Variants in HACE1 observed in about 807,000 individuals in gnomAD.
HACE1 encodes E3 ubiquitin-protein ligase HACE1.
A neutral mutation model predicts 118.4 loss-of-function variants in HACE1; 73 were observed. The ratio of observed to expected loss-of-function variants is 0.62; its 90% CI spans 0.51 to 0.75. The LOEUF (loss-of-function observed/expected upper bound fraction) is 0.75, where lower values mean the gene tolerates loss of function less well. HACE1 is among the 30% of genes least tolerant of loss of function. HACE1 has a pLI of 0.00. For synonymous variants in HACE1, 368 were observed against 374.8 expected (o/e 0.98, Z 0.21); for missense variants, 749 against 1,102.2 (o/e 0.68, Z 4.54).
chr6:104,805,581 A>G (rs1770901266), intron 7 of HACE1, among the ~76,000 whole-genome samples: 1 of 152,168 alleles, frequency 6.6e-6, no homozygotes. Context: ...GGAAACCATC[A>G]TTCTCAGCAA....
rs750238687 is a variant in HACE1, at chr6:104,784,224, A to C, written c.1479-51T>G. ...TGGACAGGAAGAATGAGTAGCATTA[A>C]GTGAAATGCAAATTCAGATACACTG... On this transcript the variant is annotated intron_variant, in intron 13 of 23. Transcript: ENST00000262903. 2.9e-6 allele frequency: 3 copies of C among 1,038,446 alleles called. No individual in the cohort carries two copies. The South Asian group carries it at 3.8e-5, about 13-fold the overall frequency. 64.3% of individuals were successfully genotyped at this position (1,038,446 alleles called of 1,614,324 possible).
chr6:104,753,977 T>G (rs1778346410), intron 19 of HACE1, among the ~76,000 whole-genome samples: 1 of 152,134 alleles, frequency 6.6e-6, no homozygotes, highest in Non-Finnish European at 1.5e-5. Context: ...AGGAGCATGT[T>G]TTAACCCAAT....
chr6:104,827,751 G>A (rs781131682), intron 6 of HACE1, among the ~76,000 whole-genome samples: 3 of 152,070 alleles, frequency 2.0e-5, no homozygotes, highest in Non-Finnish European at 4.4e-5. Flanking sequence ...TTGGAAGCTG[G>A]CTAAAGATAC....
At chr6:104,772,593 G>A (rs1313348895) in intron 17 of HACE1, among the ~76,000 whole-genome samples, 1 of 152,150 alleles carries the variant, frequency 6.6e-6, no homozygotes, top group Non-Finnish European at 1.5e-5. Context: ...TTAAGTGACA[G>A]GCCTAGTCAA....
chr6:104,749,013 G>C (rs1306366014), intron 20 of HACE1, among the ~76,000 whole-genome samples: 2 of 152,050 alleles, frequency 1.3e-5, no homozygotes, highest in Non-Finnish European at 1.5e-5. Context: ...TTTATGATGT[G>C]TGTCCTTTTC....
intron 23 of HACE1, 132 bp from the exon 24 acceptor site, chr6:104,729,896 C>A (rs1483536600): frequency 1.5e-6 from 1 of 664,986 alleles, no homozygotes. Flanking sequence ...ATTGAAAAAC[C>A]CTAAAGTGGT....
chr6:104,852,175 C>A, intron 2 of HACE1, 142 bp downstream of exon 2: 1 of 647,666 alleles, frequency 1.5e-6, no homozygotes, highest in Non-Finnish European at 2.8e-6. Context: ...ATAACTTGCC[C>A]CAGAACATCT....
intron 5 of HACE1, among the ~76,000 whole-genome samples, chr6:104,838,485 C>T (rs557688030): frequency 6.6e-5 from 10 of 152,000 alleles, no homozygotes; most frequent in South Asian, 4.2e-4. Context: ...ATAAATGGTG[C>T]GGGAAAACTG....
intron 6 of HACE1, among the ~76,000 whole-genome samples, chr6:104,824,581 T>C (rs1336375212): frequency 6.6e-6 from 1 of 152,222 alleles, no homozygotes; most frequent in Non-Finnish European, 1.5e-5. Context: ...TTTTAAATTG[T>C]ATCAAAGCAT....
intron 19 of HACE1, among the ~76,000 whole-genome samples, chr6:104,754,749 T>C (rs1036374996): frequency 2.6e-5 from 4 of 152,146 alleles, no homozygotes; most frequent in African/African-American, 9.7e-5. Flanking sequence ...GGGAATTTGT[T>C]ACTACCAGTC....
intron 22 of HACE1, among the ~76,000 whole-genome samples, chr6:104,741,170 A>T (rs1353503989): frequency 4.5e-5 from 5 of 111,770 alleles, no homozygotes; most frequent in Non-Finnish European, 7.0e-5. Flanking sequence ...CAAAATAATA[A>T]GAGTTATCTA....
intron 6 of HACE1, among the ~76,000 whole-genome samples, chr6:104,831,859 C>G (rs1773912630): frequency 6.6e-6 from 1 of 151,048 alleles, no homozygotes; most frequent in Non-Finnish European, 1.5e-5. Flanking sequence ...CGCCACTGCA[C>G]TCCAGCCTGG....
chr6:104,859,503 G>T (rs9499993), intron 1 of HACE1, 64 bp downstream of exon 1: 1 of 1,192,840 alleles, frequency 8.4e-7, no homozygotes, highest in Admixed American at 3.0e-5. Context: ...TGACGCGGCC[G>T]GAGCTCCTGC....
At chr6:104,852,645 G>C (rs1487740705) in intron 1 of HACE1, among the ~76,000 whole-genome samples, 1 of 152,128 alleles carries the variant, frequency 6.6e-6, no homozygotes, top group Non-Finnish European at 1.5e-5. Flanking sequence ...AGAAGGTTTT[G>C]TCCCATTATC....
At chr6:104,814,765 G>T (rs755584175) in intron 6 of HACE1, among the ~76,000 whole-genome samples, 1 of 137,052 alleles carries the variant, frequency 7.3e-6, no homozygotes, top group African/African-American at 2.9e-5. Context: ...AGAGCTCATG[G>T]TTTAAAAGTG....
intron 19 of HACE1, among the ~76,000 whole-genome samples, chr6:104,763,794 A>T (rs1421395991): frequency 6.6e-6 from 1 of 152,158 alleles, no homozygotes; most frequent in Non-Finnish European, 1.5e-5. Flanking sequence ...TCACGCCTAT[A>T]ATCCCAGCAC....
chr6:104,849,303 T>C (rs1775951156), intron 3 of HACE1, 57 bp from the exon 4 acceptor site: 2 of 1,018,066 alleles, frequency 2.0e-6, no homozygotes, highest in Non-Finnish European at 3.1e-6. Context: ...ATACTTGATG[T>C]AGTTCAATTA....
At chr6:104,776,511 A>G (rs1023422796) in intron 17 of HACE1, among the ~76,000 whole-genome samples, 1 of 152,214 alleles carries the variant, frequency 6.6e-6, no homozygotes, top group East Asian at 1.9e-4. Flanking sequence ...TTGGGAACCA[A>G]CTGTTTAGAG....
chr6:104,754,090 C>T (rs1012507943), intron 19 of HACE1, among the ~76,000 whole-genome samples: 19 of 152,160 alleles, frequency 1.2e-4, no homozygotes, highest in African/African-American at 4.6e-4. Context: ...AAAAACACAA[C>T]ATGAGAACTT....
Sources: allele counts gnomAD v4.1 joint callset (sites outside exome capture counted in the v4.1 genomes callset), GRCh38; gene constraint gnomAD v4.1.1; transcripts MANE v1.5; gene names NCBI Gene and HGNC (gene_info 2026-07-23, HGNC 2026-07-21).